FER: variants seen among roughly 807,000 people sequenced by gnomAD.
The protein encoded by FER is FER tyrosine kinase.
A neutral mutation model predicts 111.0 loss-of-function variants in FER; 63 were observed. That is an observed-to-expected ratio of 0.57 (90% CI 0.46 to 0.70). The LOEUF is 0.70. Ranked by LOEUF, FER falls within the 30% of genes least tolerant of loss-of-function variation. The probability of loss-of-function intolerance (pLI) is 0.00; values close to 1 mark genes in which losing one functional copy is unlikely to be tolerated. For synonymous variants in FER, 327 were observed against 313.9 expected (o/e 1.04, Z -0.44); for missense variants, 914 against 954.0 (o/e 0.96, Z 0.55).
At chr5:108,894,465 G>T in intron 9 of FER, 1 of 408,852 alleles carries the variant, frequency 2.4e-6, no homozygotes, top group Non-Finnish European at 4.6e-6. Flanking sequence ...GTTCTTCACT[G>T]ATAACATGTG....
chr5:108,816,008 A>G (rs1758228555), intron 3 of FER, among the ~76,000 whole-genome samples: 1 of 152,088 alleles, frequency 6.6e-6, no homozygotes, highest in Admixed American at 6.6e-5. Context: ...CAAATTGAAG[A>G]CGAGTCTGGG....
chr5:108,993,568 G>T (rs1238870533), intron 13 of FER, among the ~76,000 whole-genome samples: 3 of 140,222 alleles, frequency 2.1e-5, no homozygotes, highest in African/African-American at 5.9e-5. Context: ...GAGGGAGACC[G>T]TGGGGAGAGG....
intron 1 of FER, among the ~76,000 whole-genome samples, chr5:108,754,723 C>T (rs1231882368): frequency 1.3e-5 from 2 of 152,052 alleles, no homozygotes; most frequent in African/African-American, 2.4e-5. Flanking sequence ...AATTAGTTTT[C>T]TAGTGTAAAT....
intron 13 of FER, among the ~76,000 whole-genome samples, chr5:109,035,095 G>T (rs185796361): frequency 1.4e-5 from 2 of 144,732 alleles, no homozygotes; most frequent in African/African-American, 5.2e-5. Flanking sequence ...GTGCAGTGGC[G>T]CAATCTTGGC....
intron 12 of FER, among the ~76,000 whole-genome samples, chr5:108,957,542 G>A (rs1758586896): frequency 6.6e-6 from 1 of 151,632 alleles, no homozygotes; most frequent in African/African-American, 2.4e-5. Context: ...AAATCAGTAT[G>A]GAGATTTCTC....
At chr5:109,162,448 A>G (rs1309516125) in intron 17 of FER, among the ~76,000 whole-genome samples, 2 of 152,178 alleles carry the variant, frequency 1.3e-5, no homozygotes, top group African/African-American at 2.4e-5. Flanking sequence ...AGTGCCATCT[A>G]GATCCTGTTT....
Position 108,867,951 on chromosome 5 carries a change from G to GT in FER, c.665+2dup. On this transcript the variant is annotated splice_donor_variant, in intron 6 of 19. Coordinates refer to ENST00000281092, the MANE Select transcript of FER (RefSeq NM_005246.4). LOFTEE classifies it high-confidence loss of function. ...TGCAAGAAGAAATGATAAAAGCACT[G>GT]TAAGATACATTTTCTTTTTATCATA... The GT allele has an allele frequency of 6.3e-7, 1 of 1,595,024 alleles. No homozygotes were observed. Among genetic ancestry groups the GT allele is most frequent in the Non-Finnish European group, 8.5e-7 (1 of 1,172,320 alleles).
intron 10 of FER, among the ~76,000 whole-genome samples, chr5:108,898,216 T>TG (rs1163234655): frequency 6.6e-6 from 1 of 152,200 alleles, no homozygotes; most frequent in Non-Finnish European, 1.5e-5. Context: ...GAATCTTATT[T>TG]ATCTGAGATT....
At chr5:108,956,943 G>A (rs1758506668) in intron 12 of FER, among the ~76,000 whole-genome samples, 1 of 151,490 alleles carries the variant, frequency 6.6e-6, no homozygotes. Flanking sequence ...TATATTATAC[G>A]AGCTGTAAGT....
At chr5:108,876,363 C>T (rs1205541118) in intron 8 of FER, among the ~76,000 whole-genome samples, 1 of 152,186 alleles carries the variant, frequency 6.6e-6, no homozygotes, top group African/African-American at 2.4e-5. Flanking sequence ...AGTGGCAGAG[C>T]CAAGCAGTTG....
intron 13 of FER, among the ~76,000 whole-genome samples, chr5:109,003,412 AC>A (rs1259973620): frequency 1.3e-5 from 2 of 152,144 alleles, no homozygotes. Context: ...TGGGAATTGA[AC>A]AATGAGAACA....
At chr5:108,908,778 C>T (rs1751149048) in intron 10 of FER, among the ~76,000 whole-genome samples, 1 of 151,654 alleles carries the variant, frequency 6.6e-6, no homozygotes, top group Admixed American at 6.6e-5. Context: ...CTGGCTCATG[C>T]CTGTAATCTC....
chr5:108,972,084 A>G (rs1760736248), intron 13 of FER, among the ~76,000 whole-genome samples: 1 of 151,920 alleles, frequency 6.6e-6, no homozygotes, highest in East Asian at 1.9e-4. Context: ...TGCTTTTTAG[A>G]TTTTGAACTT....
At chr5:109,113,815 A>G (rs1009430150) in intron 17 of FER, among the ~76,000 whole-genome samples, 3 of 152,186 alleles carry the variant, frequency 2.0e-5, no homozygotes, top group African/African-American at 7.2e-5. Context: ...TTACTCATGG[A>G]TAATGATATT....
rs570651038 is a variant in FER, at chr5:108,924,872, C to T, written c.1237-21258C>T. The T allele has an allele frequency of 1.7e-5, 18 of 1,051,602 alleles. 1 individual carries two copies. Among genetic ancestry groups the T allele is most frequent in the Middle Eastern group, 3.5e-4 (1 of 2,882 alleles). The allele number at this position is 1,051,602 out of a possible 1,614,324, so 65.1% of individuals were successfully genotyped here. A position where few individuals can be genotyped will look rare whatever the true frequency, so the allele number is the denominator to read the frequency against. ...AGTCCAGCAGGTCATCTATTTTATGCGGCTGCTTCAAATGGGAAGGATAAT... is the reference window on the plus strand; with the variant it reads ...AGTCCAGCAGGTCATCTATTTTATGTGGCTGCTTCAAATGGGAAGGATAAT... On this transcript the variant is annotated intron_variant, in intron 10 of 19. Transcript: ENST00000281092.
At chr5:108,946,803 A>AGTT (rs1167434505) in intron 11 of FER, among the ~76,000 whole-genome samples, 1 of 430 alleles carries the variant, frequency 2.3e-3, no homozygotes, top group East Asian at 5.6e-3. Flanking sequence ...CTAAAGCATT[A>AGTT]GTTCTATTTA....
At chr5:108,838,165 T>C (rs1760864252) in intron 5 of FER, among the ~76,000 whole-genome samples, 1 of 152,186 alleles carries the variant, frequency 6.6e-6, no homozygotes, top group Non-Finnish European at 1.5e-5. Context: ...AATAGGAGTT[T>C]TGTGGAGTTA....
chr5:108,929,650 G>T (rs1187097994), intron 10 of FER, among the ~76,000 whole-genome samples: 1 of 151,902 alleles, frequency 6.6e-6, no homozygotes, highest in Non-Finnish European at 1.5e-5. Flanking sequence ...ATCAAGAAAT[G>T]AATAACTCTC....
At chr5:109,126,063 C>T (rs947982657) in intron 17 of FER, among the ~76,000 whole-genome samples, 5 of 152,144 alleles carry the variant, frequency 3.3e-5, no homozygotes, top group African/African-American at 1.2e-4. Context: ...AGAAACCATA[C>T]TTTCTGTCAG....
Sources: allele counts gnomAD v4.1 joint callset (sites outside exome capture counted in the v4.1 genomes callset), GRCh38; gene constraint gnomAD v4.1.1; transcripts MANE v1.5; gene names NCBI Gene and HGNC (gene_info 2026-07-23, HGNC 2026-07-21).